The following RGS20 variants were observed in gnomAD, a reference collection of about 807,000 sequenced individuals.
RGS20 encodes gz-selective GTPase-activating protein.
Under a neutral mutation model 33.6 loss-of-function variants are expected in RGS20, and 30 were observed. The observed-to-expected ratio is 0.89, with a 90% CI of 0.67 to 1.21. The LOEUF is 1.21. Ranked by LOEUF, RGS20 falls within the 50% of genes most tolerant of loss-of-function variation. The probability of loss-of-function intolerance (pLI) is 0.00; values close to 1 mark genes in which losing one functional copy is unlikely to be tolerated. For missense variants in RGS20, 472 were observed against 502.4 expected (o/e 0.94, Z 0.58); for synonymous variants, 208 against 197.9 (o/e 1.05, Z -0.43).
At chr8:53,875,913 A>C (rs1200540830) in intron 1 of RGS20, among the ~76,000 whole-genome samples, 3 of 152,238 alleles carry the variant, frequency 2.0e-5, no homozygotes, top group Non-Finnish European at 4.4e-5. Context: ...TCTAATAGCC[A>C]GGATCTGTTA....
chr8:53,912,210 C>T (rs1054093574), intron 2 of RGS20, among the ~76,000 whole-genome samples: 1 of 152,092 alleles, frequency 6.6e-6, no homozygotes, highest in Non-Finnish European at 1.5e-5. Context: ...CTCCAGGATA[C>T]TCAGTATCCC....
At chr8:53,935,918 T>C (rs1035821940) in intron 2 of RGS20, among the ~76,000 whole-genome samples, 4 of 152,202 alleles carry the variant, frequency 2.6e-5, no homozygotes, top group African/African-American at 9.6e-5. Flanking sequence ...GTCGGCTTCA[T>C]CCCTGGGATG....
At chr8:53,936,229 G>A (rs1164864033) in intron 2 of RGS20, among the ~76,000 whole-genome samples, 2 of 152,146 alleles carry the variant, frequency 1.3e-5, no homozygotes, top group Non-Finnish European at 2.9e-5. Flanking sequence ...ATTCAACATA[G>A]TATTGGAAGT....
At chr8:53,917,016 C>T (rs1299137715) in intron 2 of RGS20, among the ~76,000 whole-genome samples, 3 of 152,156 alleles carry the variant, frequency 2.0e-5, no homozygotes, top group Admixed American at 2.0e-4. Context: ...ATATCATCAC[C>T]TTGGGGCTTC....
chr8:53,940,183 T>C (rs1033086527), intron 3 of RGS20, among the ~76,000 whole-genome samples: 7 of 152,212 alleles, frequency 4.6e-5, no homozygotes, highest in Non-Finnish European at 1.0e-4. Context: ...TGTCAAAATA[T>C]GTGTTTTAAA....
intron 2 of RGS20, among the ~76,000 whole-genome samples, chr8:53,917,534 G>A (rs1813525083): frequency 6.6e-6 from 1 of 152,100 alleles, no homozygotes; most frequent in South Asian, 2.1e-4. Context: ...ATTGAAACTG[G>A]TAACTCTACA....
chr8:53,889,721 TTCTGTG>T (rs1395001306), intron 2 of RGS20, among the ~76,000 whole-genome samples: 1 of 71,798 alleles, frequency 1.4e-5, no homozygotes, highest in Non-Finnish European at 2.8e-5. Flanking sequence ...TCTGTCAAAA[TTCTGTG>T]TGTGTGTGTG....
intron 2 of RGS20, among the ~76,000 whole-genome samples, chr8:53,894,940 T>C (rs1812813426): frequency 1.3e-5 from 2 of 152,196 alleles, no homozygotes; most frequent in Non-Finnish European, 2.9e-5. Context: ...GGATCTGGAT[T>C]CTATTTTAAA....
At chr8:53,870,433 C>A (rs1373429658) in intron 1 of RGS20, among the ~76,000 whole-genome samples, 6 of 152,236 alleles carry the variant, frequency 3.9e-5, no homozygotes, top group African/African-American at 7.2e-5. Context: ...TTACAGTCTT[C>A]TGTAAAGTGC....
intron 2 of RGS20, among the ~76,000 whole-genome samples, chr8:53,909,244 T>TAC (rs1476915225): frequency 7.5e-6 from 1 of 133,818 alleles, no homozygotes; most frequent in African/African-American, 2.9e-5. Context: ...TATATATATA[T>TAC]ATATATATAT....
chr8:53,925,798 C>T (rs547428140), intron 2 of RGS20, among the ~76,000 whole-genome samples: 4 of 152,094 alleles, frequency 2.6e-5, no homozygotes, highest in Non-Finnish European at 5.9e-5. Flanking sequence ...CAGGGAACAG[C>T]TAGTACTAAG....
At position 53,937,773 on chromosome 8, in the gene RGS20, A is replaced by G. The variant is rs186223149; in HGVS notation, c.511-1803A>G. Among the ~76,000 whole-genome samples the G allele has an allele frequency of 5.2e-3, 794 of 152,336 alleles. 24 individuals carry two copies. The highest frequency in any genetic ancestry group is 0.048 in the Admixed American group (730 of 15,294). On this transcript the variant is annotated intron_variant, in intron 2 of 5. Coordinates refer to ENST00000297313, the MANE Select transcript of RGS20 (RefSeq NM_170587.4). ...GAAAACATTTATGCAGCCAAAAGAC[A>G]CATGAAAAAAAGCTCATCATCACTG...
At position 53,883,942 on chromosome 8, in the gene RGS20, G is replaced by A. The variant is rs530917901; in HGVS notation, c.510+4340G>A. 1.2e-4 allele frequency among the ~76,000 whole-genome samples: 18 copies of A among 145,008 alleles called. No individual in the cohort carries two copies. In the South Asian group the frequency reaches 4.1e-3, roughly 33 times the overall value. On this transcript the variant is annotated intron_variant, in intron 2 of 5. Transcript: ENST00000297313. ...GCCTGGGCAACAAGAGCAAAACTCC[G>A]TCTCAAAAAAAAAAAAAGAGTATCT...
At chr8:53,934,880 C>G (rs376902331) in intron 2 of RGS20, among the ~76,000 whole-genome samples, 1 of 151,984 alleles carries the variant, frequency 6.6e-6, no homozygotes, top group Non-Finnish European at 1.5e-5. Context: ...CCTCGGCAAA[C>G]GCAAAAGAAC....
intron 4 of RGS20, among the ~76,000 whole-genome samples, chr8:53,948,254 ATATAC>A (rs1352106245): frequency 7.3e-6 from 1 of 136,984 alleles, no homozygotes; most frequent in Non-Finnish European, 1.5e-5. Context: ...ATGATAGTAT[ATATAC>A]TATATGTAAG....
At chr8:53,888,328 G>A (rs1043459671) in intron 2 of RGS20, among the ~76,000 whole-genome samples, 1 of 152,190 alleles carries the variant, frequency 6.6e-6, no homozygotes, top group Non-Finnish European at 1.5e-5. Context: ...GTATTTTTGT[G>A]AGGTTTATGA....
At chr8:53,914,372 C>A (rs1483920253) in intron 2 of RGS20, among the ~76,000 whole-genome samples, 1 of 152,164 alleles carries the variant, frequency 6.6e-6, no homozygotes, top group Non-Finnish European at 1.5e-5. Flanking sequence ...TTTGGGTCCA[C>A]TGTGGATTCC....
intron 2 of RGS20, among the ~76,000 whole-genome samples, chr8:53,907,272 C>A (rs1813207135): frequency 1.3e-5 from 2 of 152,118 alleles, no homozygotes; most frequent in South Asian, 2.1e-4. Flanking sequence ...GTCTTGTTAG[C>A]CTTCCTGTAT....
chr8:53,876,615 G>A (rs1011900560), intron 1 of RGS20: 1 of 152,268 alleles, frequency 6.6e-6, no homozygotes, highest in Non-Finnish European at 1.5e-5. Flanking sequence ...TGGCTACATT[G>A]ATACTCTTCG....
Sources: allele counts gnomAD v4.1 joint callset (sites outside exome capture counted in the v4.1 genomes callset), GRCh38; gene constraint gnomAD v4.1.1; transcripts MANE v1.5; gene names NCBI Gene and HGNC (gene_info 2026-07-23, HGNC 2026-07-21).